The following CNTNAP2 variants were observed in gnomAD, a reference collection of about 807,000 sequenced individuals.
The protein encoded by CNTNAP2 is contactin associated protein 2.
A neutral mutation model predicts 155.2 loss-of-function variants in CNTNAP2; 98 were observed. The ratio of observed to expected loss-of-function variants is 0.63; its 90% CI spans 0.54 to 0.75. CNTNAP2 has a LOEUF of 0.75. Ranked by LOEUF, CNTNAP2 falls within the 30% of genes least tolerant of loss-of-function variation. The probability of loss-of-function intolerance (pLI) is 0.00; values close to 1 mark genes in which losing one functional copy is unlikely to be tolerated. For missense variants in CNTNAP2, 1,727 were observed against 1,688.1 expected (o/e 1.02, Z -0.40); for synonymous variants, 651 against 631.2 (o/e 1.03, Z -0.47).
intron 13 of CNTNAP2, among the ~76,000 whole-genome samples, chr7:147,753,703 T>C (rs1001617992): frequency 1.9e-4 from 29 of 152,170 alleles, no homozygotes; most frequent in Non-Finnish European, 3.8e-4. Context: ...CTCAGGACTT[T>C]GCAAAAGAGA....
intron 9 of CNTNAP2, among the ~76,000 whole-genome samples, chr7:147,369,268 A>C (rs757117398): frequency 1.2e-4 from 19 of 152,188 alleles, no homozygotes; most frequent in South Asian, 4.1e-4. Flanking sequence ...ATATCTTCTC[A>C]TGAAGATGGC....
At chr7:147,057,706 A>G (rs575660701) in intron 4 of CNTNAP2, among the ~76,000 whole-genome samples, 1 of 152,350 alleles carries the variant, frequency 6.6e-6, no homozygotes, top group East Asian at 1.9e-4. Context: ...CTGCTGATAT[A>G]GATGGTGCTA....
At chr7:146,497,385 T>C (rs1350560254) in intron 1 of CNTNAP2, among the ~76,000 whole-genome samples, 1 of 152,170 alleles carries the variant, frequency 6.6e-6, no homozygotes, top group East Asian at 1.9e-4. Flanking sequence ...ATTTTCAAAT[T>C]AGAAATGTAT....
At chr7:147,940,303 T>TAAAAAAAAAAAAAAAAAAAAAAAAAAAA (rs59484615) in intron 14 of CNTNAP2, 1 of 91,694 alleles carries the variant, frequency 1.1e-5, no homozygotes, top group African/African-American at 3.8e-5. Context: ...CCTGTCTCTT[T>TAAAAAAAAAAAAAAAAAAAAAAAAAAAA]AAAAAAAAAA....
intron 8 of CNTNAP2, among the ~76,000 whole-genome samples, chr7:147,197,145 G>C (rs1394399006): frequency 6.6e-6 from 1 of 151,994 alleles, no homozygotes; most frequent in African/African-American, 2.4e-5. Context: ...GATTGCATAG[G>C]AGTATAACTT....
chr7:147,297,195 T>G (rs1235347727), intron 8 of CNTNAP2, among the ~76,000 whole-genome samples: 3 of 152,240 alleles, frequency 2.0e-5, no homozygotes, highest in African/African-American at 7.2e-5. Flanking sequence ...ATTGCTTTTT[T>G]ATGTTTCATC....
chr7:146,447,340 A>G (rs1173404357), intron 1 of CNTNAP2, among the ~76,000 whole-genome samples: 1 of 152,076 alleles, frequency 6.6e-6, no homozygotes, highest in African/African-American at 2.4e-5. Flanking sequence ...GATGTTAAAG[A>G]AAGAAATGTG....
At chr7:146,376,334 C>G (rs1294887864) in intron 1 of CNTNAP2, among the ~76,000 whole-genome samples, 1 of 151,970 alleles carries the variant, frequency 6.6e-6, no homozygotes, top group East Asian at 1.9e-4. Context: ...TATTCGTTAC[C>G]TTTGTTCTTT....
At position 146,853,854 on chromosome 7, in the gene CNTNAP2, A is replaced by T. The variant is rs138496880; in HGVS notation, c.402+13950A>T. 1.5e-3 allele frequency among the ~76,000 whole-genome samples: 223 copies of T among 152,310 alleles called. 1 individual carries two copies. The highest frequency in any genetic ancestry group is 5.1e-3 in the African/African-American group (211 of 41,582). Reference sequence around the variant, plus strand: ...ATCCACCAAATTGTGGAATTTAGTGAACATTGGAATATGCAGCTATAATTA... The same window carrying T: ...ATCCACCAAATTGTGGAATTTAGTGTACATTGGAATATGCAGCTATAATTA... On this transcript the variant is annotated intron_variant, in intron 3 of 23. Coordinates refer to ENST00000361727, the MANE Select transcript of CNTNAP2 (RefSeq NM_014141.6).
intron 3 of CNTNAP2, among the ~76,000 whole-genome samples, chr7:146,915,237 G>A (rs558564769): frequency 2.0e-4 from 31 of 152,100 alleles, no homozygotes; most frequent in Non-Finnish European, 4.4e-4. Flanking sequence ...GGTTGAAGTA[G>A]GGTAATGTAA....
rs3080477 is a variant in CNTNAP2 at position 146,684,639 on chromosome 7, C to CAAAAAAAAAAAAAAAAAA, written c.98-89629_98-89612dup. On this transcript the variant is annotated intron_variant, in intron 1 of 23. Coordinates refer to ENST00000361727, the MANE Select transcript of CNTNAP2 (RefSeq NM_014141.6). ...GCTTCGAGCAATAATAGATCCAGCG[C>CAAAAAAAAAAAAAAAAAA]AAAAAAAAAAAAAAAAAAAAGCTGG... is the stretch of plus-strand genomic sequence containing the variant. Among the ~76,000 whole-genome samples, 4 of 63,514 alleles carry CAAAAAAAAAAAAAAAAAA rather than the reference C, an allele frequency of 6.3e-5. 1 individual carries two copies. Among genetic ancestry groups the CAAAAAAAAAAAAAAAAAA allele is most frequent in the Non-Finnish European group, 1.1e-4 (4 of 35,818 alleles). The allele number at this position is 63,514 out of a possible 152,430, so 41.7% of individuals were successfully genotyped here. A position where few individuals can be genotyped will look rare whatever the true frequency, so the allele number is the denominator to read the frequency against.
At chr7:147,535,231 A>C (rs1255719646) in intron 11 of CNTNAP2, among the ~76,000 whole-genome samples, 1 of 152,100 alleles carries the variant, frequency 6.6e-6, no homozygotes, top group African/African-American at 2.4e-5. Flanking sequence ...CGTCTCTACT[A>C]AAAATACAAA....
chr7:147,067,006 G>A (rs2129264265), intron 4 of CNTNAP2, among the ~76,000 whole-genome samples: 1 of 152,048 alleles, frequency 6.6e-6, no homozygotes, highest in East Asian at 2.0e-4. Flanking sequence ...CTTAAGGTGG[G>A]ACTAGGCTGG....
intron 1 of CNTNAP2, among the ~76,000 whole-genome samples, chr7:146,365,422 A>C (rs1290571363): frequency 6.6e-6 from 1 of 152,162 alleles, no homozygotes; most frequent in Non-Finnish European, 1.5e-5. Flanking sequence ...CCAGGATGGC[A>C]AACTCCAATG....
At chr7:147,954,070 A>G (rs1800980875) in intron 14 of CNTNAP2, among the ~76,000 whole-genome samples, 1 of 152,172 alleles carries the variant, frequency 6.6e-6, no homozygotes, top group African/African-American at 2.4e-5. Context: ...GGAGAGAGAA[A>G]TGGGATAGAA....
intron 11 of CNTNAP2, among the ~76,000 whole-genome samples, chr7:147,514,778 C>A (rs1298169126): frequency 6.6e-6 from 1 of 152,086 alleles, no homozygotes; most frequent in Non-Finnish European, 1.5e-5. Flanking sequence ...ACTCACAACC[C>A]ACGTCTACCC....
chr7:147,754,468 T>A (rs1797187463), intron 13 of CNTNAP2, among the ~76,000 whole-genome samples: 1 of 152,200 alleles, frequency 6.6e-6, no homozygotes, highest in Non-Finnish European at 1.5e-5. Context: ...AACAAATTTT[T>A]AAAAACAAAT....
At chr7:146,633,720 C>T (rs932831175) in intron 1 of CNTNAP2, among the ~76,000 whole-genome samples, 2 of 150,270 alleles carry the variant, frequency 1.3e-5, no homozygotes, top group Non-Finnish European at 3.0e-5. Flanking sequence ...TCCCAGCTAC[C>T]TCGGGAGGCT....
intron 8 of CNTNAP2, among the ~76,000 whole-genome samples, chr7:147,294,815 C>G (rs538964836): frequency 1.3e-5 from 2 of 151,914 alleles, no homozygotes; most frequent in East Asian, 1.9e-4. Context: ...CCCACCACCA[C>G]ACCCGGCTAA....
Sources: gnomAD v4.1 joint callset for allele counts (sites outside exome capture counted in the v4.1 genomes callset) on GRCh38, gnomAD v4.1.1 for gene constraint, MANE v1.5 for transcripts, NCBI Gene and HGNC (gene_info 2026-07-23, HGNC 2026-07-21) for gene names.